FRG1: variants seen among roughly 807,000 people sequenced by gnomAD.
The protein encoded by FRG1 is protein FRG1.
In FRG1, 19 loss-of-function variants were observed where a neutral mutation model predicts 37.0. That is an observed-to-expected ratio of 0.51 (90% CI 0.36 to 0.75). The LOEUF is 0.75. Ranked by LOEUF, FRG1 falls within the 30% of genes least tolerant of loss-of-function variation. The pLI is 0.00. For synonymous variants in FRG1, 73 were observed against 96.5 expected (o/e 0.76, Z 1.43); for missense variants, 243 against 301.4 (o/e 0.81, Z 1.44).
At chr4:189,952,506 T>G (rs1736800541) in intron 3 of FRG1, among the ~76,000 whole-genome samples, 1 of 152,180 alleles carries the variant, frequency 6.6e-6, no homozygotes, top group South Asian at 2.1e-4. Flanking sequence ...TCCAGAAGAG[T>G]ATCTTTGGAA....
chr4:189,962,909 CTT>C (rs1479816418), intron 8 of FRG1, among the ~76,000 whole-genome samples, 182 bp from the exon 9 acceptor site: 1 of 152,082 alleles, frequency 6.6e-6, no homozygotes, highest in Non-Finnish European at 1.5e-5. Flanking sequence ...TAGGAAATAA[CTT>C]TTATAAGATT....
intron 2 of FRG1, among the ~76,000 whole-genome samples, chr4:189,947,941 T>C (rs1467724971): frequency 2.6e-5 from 4 of 152,234 alleles, no homozygotes; most frequent in Non-Finnish European, 5.9e-5. Context: ...TTGCCTCCAG[T>C]GTTTTCCTGT....
At chr4:189,956,677 C>T (rs1236178059) in intron 5 of FRG1, among the ~76,000 whole-genome samples, 1 of 152,202 alleles carries the variant, frequency 6.6e-6, no homozygotes, top group Non-Finnish European at 1.5e-5. Context: ...ATAAGGTTAA[C>T]ATATTTTGTA....
intron 8 of FRG1, among the ~76,000 whole-genome samples, chr4:189,962,296 T>G (rs1737270218): frequency 6.6e-6 from 1 of 152,090 alleles, no homozygotes. Flanking sequence ...TAAGAATAGA[T>G]CAACTAAAAA....
intron 2 of FRG1, among the ~76,000 whole-genome samples, chr4:189,950,353 A>G (rs1239536691): frequency 1.3e-5 from 2 of 152,174 alleles, no homozygotes; most frequent in African/African-American, 2.4e-5. Context: ...TTCTTGATGC[A>G]CAAAAGTTTT....
At chr4:189,961,702 C>T in intron 7 of FRG1, 120 bp from the exon 8 acceptor site, 1 of 553,480 alleles carries the variant, frequency 1.8e-6, no homozygotes, top group Non-Finnish European at 3.2e-6. Context: ...GCCACTGCGC[C>T]TGGCCTACAA....
At position 189,959,940 on chromosome 4, in the gene FRG1, C is replaced by T. The variant is rs192492974; in HGVS notation, c.538-808C>T. 4 of 921,420 alleles carry T rather than the reference C, an allele frequency of 4.3e-6. No individual in the cohort carries two copies. In the East Asian group the frequency reaches 4.7e-4, roughly 109 times the overall value. 57.1% of individuals were successfully genotyped at this position (921,420 alleles called of 1,614,324 possible). A position where few individuals can be genotyped will look rare whatever the true frequency, so the allele number is the denominator to read the frequency against. ...TACTAAAGGTAGCCTTGTGTTACCTCTGTCAGCCCTTCAGCTTTATGACCA... is the reference window on the plus strand; with the variant it reads ...TACTAAAGGTAGCCTTGTGTTACCTTTGTCAGCCCTTCAGCTTTATGACCA... On this transcript the variant is annotated intron_variant, in intron 6 of 8. Coordinates refer to ENST00000226798, the MANE Select transcript of FRG1 (RefSeq NM_004477.3).
At chr4:189,958,870 G>T (rs1288166357) in intron 6 of FRG1, among the ~76,000 whole-genome samples, 1 of 152,160 alleles carries the variant, frequency 6.6e-6, no homozygotes, top group East Asian at 1.9e-4. Context: ...CTTGACACAT[G>T]GCTTTTCTGT....
At chr4:189,956,997 A>G (rs1737009962) in intron 5 of FRG1, among the ~76,000 whole-genome samples, 1 of 152,202 alleles carries the variant, frequency 6.6e-6, no homozygotes, top group Non-Finnish European at 1.5e-5. Context: ...ATGTTTTCTA[A>G]TTGTGAAGAA....
At chr4:189,941,871 C>T (rs1341270772) in intron 1 of FRG1, 1 of 442,906 alleles carries the variant, frequency 2.3e-6, no homozygotes, top group African/African-American at 2.0e-5. Flanking sequence ...GTATTTCCTC[C>T]TGGTCTCCGT....
At chr4:189,959,946 G>A (rs958320697) in intron 6 of FRG1, 4 of 907,940 alleles carry the variant, frequency 4.4e-6, no homozygotes, top group Non-Finnish European at 5.3e-6. Context: ...ACCTCTGTCA[G>A]CCCTTCAGCT....
At chr4:189,947,716 A>C (rs78515725) in intron 2 of FRG1, among the ~76,000 whole-genome samples, 1 of 152,294 alleles carries the variant, frequency 6.6e-6, no homozygotes, top group African/African-American at 2.4e-5. Flanking sequence ...GCCCTTGGCC[A>C]CAGACCTGCA....
At chr4:189,943,127 T>C (rs77655723) in intron 1 of FRG1, 75 bp from the exon 2 acceptor site, 5 of 1,438,624 alleles carry the variant, frequency 3.5e-6, no homozygotes, top group East Asian at 2.3e-5. Context: ...TAAAAGACTT[T>C]CAAGTTTCAA....
At chr4:189,951,517 C>G (rs2126809373) in intron 2 of FRG1, among the ~76,000 whole-genome samples, 1 of 151,382 alleles carries the variant, frequency 6.6e-6, no homozygotes, top group South Asian at 2.1e-4. Context: ...GATTGCTATG[C>G]TAGAAAGTCT....
intron 2 of FRG1, among the ~76,000 whole-genome samples, chr4:189,945,441 T>G (rs1468120513): frequency 6.6e-6 from 1 of 152,206 alleles, no homozygotes; most frequent in African/African-American, 2.4e-5. Flanking sequence ...ACTTTGTTTC[T>G]TGGGAGTTTT....
At chr4:189,957,927 G>T (rs75418763) in intron 6 of FRG1, among the ~76,000 whole-genome samples, 1 of 151,730 alleles carries the variant, frequency 6.6e-6, no homozygotes, top group South Asian at 2.1e-4. Flanking sequence ...GCACCTGTTC[G>T]TCTTTCCCTT....
intron 6 of FRG1, among the ~76,000 whole-genome samples, chr4:189,959,198 A>G (rs78157457): frequency 1.3e-5 from 2 of 152,236 alleles, no homozygotes; most frequent in Admixed American, 1.3e-4. Context: ...CTTGATTTCA[A>G]ATAATTTCAA....
intron 2 of FRG1, among the ~76,000 whole-genome samples, chr4:189,949,094 T>C (rs980660319): frequency 6.6e-6 from 1 of 152,200 alleles, no homozygotes; most frequent in African/African-American, 2.4e-5. Flanking sequence ...GAAATAACTT[T>C]AAGCATGTGT....
rs776265254 is a variant in FRG1, at chr4:189,957,471, G to A, written c.506G>A (p.Ser169Asn). 2 of 1,612,392 alleles carry A rather than the reference G, an allele frequency of 1.2e-6. No individual in the cohort carries two copies. The highest frequency in any genetic ancestry group is 1.7e-5 in the Admixed American group (1 of 59,996). The change falls in exon 6 of 9, where the codon AGT becomes AAT. Residue 169 changes from serine (S) to asparagine (N), a missense_variant. This residue lies in a region of FRG1 where 133 missense variants were observed against 199.3 expected (regional missense o/e 0.67). Transcript: ENST00000226798. ...GAAGCAGGGGACATAGAAGCAAAAA[G>A]TAAAACAGCAGGAGAAGAAGAAATG... Reference protein sequence around the residue: ...CNEAGDIEAKSKTAGEEEMIK... With the variant: ...CNEAGDIEAKNKTAGEEEMIK...
Sources: gnomAD v4.1 joint callset for allele counts (sites outside exome capture counted in the v4.1 genomes callset) on GRCh38, gnomAD v4.1.1 for gene constraint, gnomAD v4.1.1 regional missense constraint, MANE v1.5 for transcripts, NCBI Gene and HGNC (gene_info 2026-07-23, HGNC 2026-07-21) for gene names.